Variants in CASK observed in about 807,000 individuals in gnomAD.
The protein encoded by CASK is peripheral plasma membrane protein CASK.
In CASK, 4 loss-of-function variants were observed where a neutral mutation model predicts 82.9. The ratio of observed to expected loss-of-function variants is 0.05; its 90% CI spans 0.02 to 0.11. CASK has a LOEUF of 0.11. CASK is among the 10% of genes least tolerant of loss of function. The probability of loss-of-function intolerance (pLI) is 1.00; values close to 1 mark genes in which losing one functional copy is unlikely to be tolerated. For synonymous variants in CASK, 259 were observed against 253.5 expected (o/e 1.02, Z -0.20); for missense variants, 358 against 720.9 (o/e 0.50, Z 5.76).
At chrX:41,827,083 A>C (rs1289357582) in intron 2 of CASK, among the ~76,000 whole-genome samples, 1 of 112,220 alleles carries the variant, frequency 8.9e-6, no homozygotes, top group Non-Finnish European at 1.9e-5. Flanking sequence ...ATACCATATA[A>C]AATTGAAATG....
intron 19 of CASK, 34 bp from the exon 20 acceptor site, chrX:41,555,669 T>C (rs760086436): frequency 1.8e-6 from 2 of 1,120,258 alleles, no homozygotes; most frequent in African/African-American, 1.8e-5. Flanking sequence ...AGAAAAATTT[T>C]CATTTATTTT....
At chrX:41,811,425 T>A in intron 2 of CASK, among the ~76,000 whole-genome samples, 1 of 112,661 alleles carries the variant, frequency 8.9e-6, no homozygotes, top group Non-Finnish European at 1.9e-5. Flanking sequence ...GAATTCAGGA[T>A]TAAGAAACTC....
At chrX:41,644,499 T>C (rs973712406) in intron 8 of CASK, among the ~76,000 whole-genome samples, 2 of 111,728 alleles carry the variant, frequency 1.8e-5, no homozygotes, top group African/African-American at 3.2e-5. Context: ...CCTTAGGACC[T>C]TGTAATAATT....
chrX:41,647,425 A>T (rs544759368), intron 8 of CASK, among the ~76,000 whole-genome samples: 1 of 112,210 alleles, frequency 8.9e-6, no homozygotes. Flanking sequence ...ATCAGGTGGC[A>T]GAAAATCTTT....
At chrX:41,650,376 G>A (rs1295134047) in intron 8 of CASK, among the ~76,000 whole-genome samples, 1 of 111,141 alleles carries the variant, frequency 9.0e-6, no homozygotes, top group East Asian at 2.8e-4. Context: ...GGCATGTTTT[G>A]CAGTGGCTGT....
chrX:41,802,029 A>C (rs1217242075), intron 2 of CASK, among the ~76,000 whole-genome samples: 1 of 111,069 alleles, frequency 9.0e-6, no homozygotes, highest in African/African-American at 3.3e-5. Flanking sequence ...GATATCCATA[A>C]GGCGCTCAAA....
chrX:41,641,531 T>C (rs761411394), intron 8 of CASK, among the ~76,000 whole-genome samples: 1 of 111,850 alleles, frequency 8.9e-6, no homozygotes, highest in Admixed American at 9.5e-5. Flanking sequence ...GGAATAAATA[T>C]TCACACCAAG....
At chrX:41,824,582 G>T (rs947439806) in intron 2 of CASK, among the ~76,000 whole-genome samples, 2 of 112,051 alleles carry the variant, frequency 1.8e-5, no homozygotes, top group African/African-American at 6.5e-5. Flanking sequence ...ACCCCCTTCA[G>T]GTGCCTTTAC....
At chrX:41,629,144 G>GT (rs200157537) in intron 9 of CASK, among the ~76,000 whole-genome samples, 13 of 106,879 alleles carry the variant, frequency 1.2e-4, no homozygotes, top group Non-Finnish European at 1.9e-4. Flanking sequence ...TACGTAGTTT[G>GT]TTTTTTTTTT....
chrX:41,696,829 A>G (rs1256668176), intron 5 of CASK: 29 of 817,779 alleles, frequency 3.5e-5, no homozygotes, highest in Non-Finnish European at 4.8e-5. Context: ...AATTCTTTGA[A>G]GAACTAAAAA....
intron 5 of CASK, among the ~76,000 whole-genome samples, chrX:41,738,900 G>A (rs150334027): frequency 3.6e-5 from 4 of 111,722 alleles, no homozygotes; most frequent in East Asian, 2.8e-4. Flanking sequence ...TGATAATACC[G>A]GTATTCCAAG....
At chrX:41,858,966 T>C (rs947163534) in intron 1 of CASK, among the ~76,000 whole-genome samples, 4 of 111,506 alleles carry the variant, frequency 3.6e-5, no homozygotes, top group African/African-American at 1.3e-4. Flanking sequence ...AAAGTCAATA[T>C]GAATTGTCAG....
intron 1 of CASK, among the ~76,000 whole-genome samples, chrX:41,873,001 TA>T (rs1177209360): frequency 9.0e-6 from 1 of 110,758 alleles, no homozygotes; most frequent in Non-Finnish European, 1.9e-5. Flanking sequence ...AGCTGAAGAG[TA>T]AAATAAATGA....
rs928206737 is a variant in CASK at position 41,645,591 on chromosome X, C to T, written c.832-8930G>A. On this transcript the variant is annotated intron_variant, in intron 8 of 26. Transcript: ENST00000378163. Reference sequence around the variant, plus strand: ...TGTGCTGATTCCTCAGAAACAGGCACATCAAATCACAATAGGTGTAAATCA... The same window carrying T: ...TGTGCTGATTCCTCAGAAACAGGCATATCAAATCACAATAGGTGTAAATCA... 5.4e-5 allele frequency among the ~76,000 whole-genome samples: 6 copies of T among 111,298 alleles called. No homozygotes were observed. The Admixed American group carries it at 5.8e-4, about 11-fold the overall frequency.
chrX:41,755,660 T>C (rs2068880570), intron 3 of CASK, among the ~76,000 whole-genome samples: 1 of 111,740 alleles, frequency 8.9e-6, no homozygotes, highest in Non-Finnish European at 1.9e-5. Context: ...AGAAATAAAA[T>C]GTATGAGAAT....
At chrX:41,856,664 C>T (rs986496560) in intron 1 of CASK, among the ~76,000 whole-genome samples, 7 of 109,480 alleles carry the variant, frequency 6.4e-5, no homozygotes, top group Admixed American at 9.7e-5. Flanking sequence ...GGCTTGGTGG[C>T]GGGCGCCTGT....
At position 41,831,634 on chromosome X, in the gene CASK, T is replaced by C. The variant is rs778547381; in HGVS notation, c.172+21481A>G. On this transcript the variant is annotated intron_variant, in intron 2 of 26. Transcript: ENST00000378163. ...TAATTATATAGTAAATTATTCATGC[T>C]ATTGAAGAAGTAAACAATTGAGATA... 2.0e-4 allele frequency among the ~76,000 whole-genome samples: 22 copies of C among 112,483 alleles called. 1 individual carries two copies. The highest frequency in any genetic ancestry group is 1.7e-3 in the Admixed American group (18 of 10,611).
intron 11 of CASK, among the ~76,000 whole-genome samples, chrX:41,610,693 C>T (rs2066031229): frequency 9.0e-6 from 1 of 111,499 alleles, no homozygotes; most frequent in African/African-American, 3.3e-5. Flanking sequence ...TATTAAATTT[C>T]AAGGCAAATC....
chrX:41,647,684 CGT>C (rs1275066879), intron 8 of CASK, among the ~76,000 whole-genome samples: 2 of 111,805 alleles, frequency 1.8e-5, no homozygotes, highest in African/African-American at 6.5e-5. Flanking sequence ...GGCAGAAAAA[CGT>C]GGATTGTGAA....
Sources: allele counts gnomAD v4.1 joint callset (sites outside exome capture counted in the v4.1 genomes callset), GRCh38; gene constraint gnomAD v4.1.1; transcripts MANE v1.5; gene names NCBI Gene and HGNC (gene_info 2026-07-23, HGNC 2026-07-21).